The following HR variants were observed in gnomAD, a reference collection of about 807,000 sequenced individuals.
The protein encoded by HR is HR lysine demethylase and nuclear receptor corepressor, also known as lysine-specific demethylase hairless.
In HR, 83 loss-of-function variants were observed where a neutral mutation model predicts 128.6. The ratio of observed to expected loss-of-function variants is 0.65; its 90% confidence interval spans 0.54 to 0.77. The LOEUF (loss-of-function observed/expected upper bound fraction) is 0.77, where lower values mean the gene tolerates loss of function less well. HR is among the 30% of genes least tolerant of loss of function. The pLI, the probability that HR is intolerant of heterozygous loss-of-function variation, is 0.00. For missense variants in HR, 1,490 were observed against 1,574.6 expected, an observed-to-expected ratio of 0.95 and a Z score of 0.91; for synonymous variants, 681 against 658.2, an observed-to-expected ratio of 1.03 and a Z score of -0.53.
rs752059018 is a variant in HR, at chr8:22,121,169, A to T, written c.2263T>A (p.Cys755Ser). The T allele has an allele frequency of 4.3e-6, 7 of 1,613,946 alleles. No individual in the cohort carries two copies. Among genetic ancestry groups the T allele is most frequent in the Non-Finnish European group, 3.4e-6 (4 of 1,180,028 alleles). ...GCCAGCAGTTCGCAGAGAGAAGGAC[A>T]AGGCAGGGGCCCTCGGCCAGCACGG... Reference protein sequence around the residue: ...EDRAGRGPLPCPSLCELLAST... With the variant: ...EDRAGRGPLPSPSLCELLAST... The change falls in exon 10 of 19, where the codon TGT (cysteine) becomes AGT (serine). Residue 755 changes from cysteine to serine, a missense_variant. Coordinates refer to ENST00000381418, the MANE Select transcript of HR (RefSeq NM_005144.5).
At chr8:22,118,900 C>T (rs767219121) in intron 16 of HR, 50 bp downstream of exon 16, 100 of 1,519,732 alleles carry the variant, frequency 6.6e-5, no homozygotes, top group South Asian at 3.9e-4. Flanking sequence ...ACTGGACGAG[C>T]TTCTAGGGCT....
In HR at chr8:22,116,283, G is replaced by A; in HGVS notation, c.3507+17C>T. 6.2e-7 allele frequency: 1 copy of A among 1,611,708 alleles called. No individual in the cohort carries two copies. The highest frequency in any genetic ancestry group is 8.5e-7 in the Non-Finnish European group (1 of 1,179,734). Reference sequence around the variant, plus strand: ...CTTGGGTAGCACACCCAGCCTGCTGGCCCACATCCCACTCACCTGGGCATA... The same window carrying A: ...CTTGGGTAGCACACCCAGCCTGCTGACCCACATCCCACTCACCTGGGCATA... On this transcript the variant is annotated intron_variant, in intron 18 of 18. Coordinates refer to ENST00000381418, the MANE Select transcript of HR (RefSeq NM_005144.5). The surrounding 1 kb of genome is among the most constrained non-coding windows in gnomAD (Gnocchi z 4.2).
chr8:22,122,754 A>T, intron 7 of HR, 36 bp downstream of exon 7: 1 of 1,541,104 alleles, frequency 6.5e-7, no homozygotes, highest in Non-Finnish European at 8.8e-7. Context: ...CTCAGGACCC[A>T]ACCTCTGCAC....
In HR at chr8:22,118,717, C is replaced by A. The variant is rs569425936; in HGVS notation, c.3213+233G>T. 2.1e-5 allele frequency: 12 copies of A among 582,632 alleles called. No homozygotes were observed. The East Asian group carries it at 2.6e-4, about 12-fold the overall frequency. The allele number at this position is 582,632 out of a possible 1,614,324, so 36.1% of individuals were successfully genotyped here. ...CCTCGGGCAGCTGGTGCTCTCATTT[C>A]ATCATCGGGTCCAGGCTCTCCTGCC... is the stretch of plus-strand genomic sequence containing the variant. On this transcript the variant is annotated intron_variant, in intron 16 of 18. Transcript: ENST00000381418.
In HR at chr8:22,127,741, C is replaced by G. The variant is rs779568109; in HGVS notation, c.701G>C (p.Gly234Ala). ...CTCCCCGGCTCTCTGCAGGTGCCCA[C>G]CAGAGTTTAAGCCAAACAACCCAGG... The part of the protein sequence containing the change: ...AEPGLFGLNS[G>A]GHLQRAGEAE... The change falls in exon 3 of 19, where the codon GGT (glycine) becomes GCT (alanine). Residue 234 changes from glycine to alanine, a missense_variant. Physicochemically the swap from Gly to Ala is moderately conservative, Grantham distance 60. Transcript: ENST00000381418. The G allele has an allele frequency of 3.1e-6, 5 of 1,604,102 alleles. No individual in the cohort carries two copies. The African/African-American group carries it at 6.7e-5, about 21-fold the overall frequency.
Position 22,116,327 on chromosome 8 carries a change from G to A in HR, c.3480C>T (p.Pro1160=). The A allele has an allele frequency of 6.2e-7, 1 of 1,612,590 alleles. No homozygotes were observed. Among genetic ancestry groups the A allele is most frequent in the Non-Finnish European group, 8.5e-7 (1 of 1,179,900 alleles). Residue 1160 remains proline (P), a synonymous_variant, in exon 18 of 19, where the codon CCC becomes CCT. Coordinates refer to ENST00000381418, the MANE Select transcript of HR (RefSeq NM_005144.5). This position sits in a 1 kb window ranked among gnomAD's most constrained non-coding sequence, Gnocchi z 4.2. ...AQLCHQGPSL[P]PDCHLLYAQM... The stretch of plus-strand genomic sequence containing the variant: ...GGGCATAAAGCAGGTGGCAGTCAGG[G>A]GGAAGGCTGGGTCCCTGGTGGCAGA...
chr8:22,129,135 T>A lies in HR; in HGVS notation c.36A>T (p.Pro12=), dbSNP rs2131769935. The change falls in exon 2 of 19, where the codon CCA becomes CCT. Residue 12 remains proline (P), a synonymous_variant. Transcript: ENST00000381418. ...TCTCTGGGGCCGTCTTCTCCCAGGT[T>A]GGGGTGCCCTTCAGGAAGCTGGGCG... ...ESTPSFLKGT[P]TWEKTAPENG... 1 of 1,553,428 alleles carries A rather than the reference T, an allele frequency of 6.4e-7. No homozygotes were observed. The highest frequency in any genetic ancestry group is 2.2e-5 in the East Asian group (1 of 44,538).
intron 9 of HR, 33 bp downstream of exon 9, chr8:22,121,580 T>C (rs781009421): frequency 3.1e-6 from 5 of 1,610,850 alleles, no homozygotes; most frequent in Admixed American, 1.7e-5. Context: ...GCCTCCCTCT[T>C]GCACAGGCCG....
At chr8:22,128,209 G>A (rs1826952100) in intron 2 of HR, 2 of 513,220 alleles carry the variant, frequency 3.9e-6, no homozygotes, top group East Asian at 3.6e-5. Context: ...GGGCCATGGG[G>A]TCCCCTGCAC....
At position 22,123,705 on chromosome 8, in the gene HR, C is replaced by T. The variant is rs117197822; in HGVS notation, c.1859G>A (p.Arg620Gln). The T allele has an allele frequency of 0.03, 46,280 of 1,568,566 alleles. 855 individuals are homozygous for T. Among genetic ancestry groups the T allele is most frequent in the South Asian group, 0.059 (5,122 of 86,446 alleles). Residue 620 changes from arginine to glutamine, a missense_variant, in exon 6 of 19, where the codon CGG becomes CAG. This residue lies in a region of HR where 1,060 missense variants were observed against 1,060.9 expected (regional missense o/e 1.00). Transcript: ENST00000381418. ...THWRCPRCSH[R>Q]LCVACGRVAG... ...CACACGACCACAGGCCACACACAGCCGGTGGCTGCAGCGGGGACATCGCCA... is the reference window on the plus strand; with the variant it reads ...CACACGACCACAGGCCACACACAGCTGGTGGCTGCAGCGGGGACATCGCCA...
In HR at chr8:22,115,189, C is replaced by G. The variant is rs1168982983; in HGVS notation, c.*511G>C. 5.2e-6 allele frequency: 1 copy of G among 190,640 alleles called. No homozygotes were observed. The highest frequency in any genetic ancestry group is 1.1e-5 in the Non-Finnish European group (1 of 91,908). The allele number at this position is 190,640 out of a possible 1,614,324, so 11.8% of individuals were successfully genotyped here. A position where few individuals can be genotyped will look rare whatever the true frequency, so the allele number is the denominator to read the frequency against. The stretch of plus-strand genomic sequence containing the variant: ...AGCCTGAGCAGCTCCTGATGCCACC[C>G]TCTCCTCACACTCCCCAGATCTTTT... On this transcript the variant is annotated 3_prime_UTR_variant, in exon 19 of 19. Transcript: ENST00000381418.
At chr8:22,126,969 C>T (rs1044049794) in intron 3 of HR, 68 bp downstream of exon 3, 2 of 1,491,268 alleles carry the variant, frequency 1.3e-6, no homozygotes, top group Non-Finnish European at 9.1e-7. Context: ...AGACCCCGCC[C>T]CATGCGAAGC....
In HR at chr8:22,129,049, A is replaced by G. The variant is rs1398773735; in HGVS notation, c.122T>C (p.Leu41Pro). 6.2e-7 allele frequency: 1 copy of G among 1,601,020 alleles called. No individual in the cohort carries two copies. The highest frequency in any genetic ancestry group is 8.5e-7 in the Non-Finnish European group (1 of 1,173,214). The stretch of plus-strand genomic sequence containing the variant: ...AAAGGGAGCAGGCTCTCCCAGGCAC[A>G]GCGGCCCATGGTGCAGTCCATCTCG... ...PPRDGLHHGP[L>P]CLGEPAPFWR... is the part of the protein sequence containing the mutation. Residue 41 changes from leucine (L) to proline (P), a missense_variant, in exon 2 of 19, where the codon CTG becomes CCG. By Grantham distance (98) the Leu-to-Pro change is moderately conservative (BLOSUM62 -3). Around this residue, in one of 3 missense-constraint regions of HR, gnomAD observed 1,060 missense variants for 1,060.9 expected, o/e 1.00. Coordinates refer to ENST00000381418, the MANE Select transcript of HR (RefSeq NM_005144.5).
In HR at chr8:22,115,853, A is replaced by C. The variant is rs924252161; in HGVS notation, c.3508-91T>G. ...CCTACTTAAAAGGAATACTCTGGCC[A>C]GATGCGGTGGCTCACACCTGTAATC... On this transcript the variant is annotated intron_variant, in intron 18 of 18. Coordinates refer to ENST00000381418, the MANE Select transcript of HR (RefSeq NM_005144.5). 3.9e-6 allele frequency: 5 copies of C among 1,286,994 alleles called. No homozygotes were observed. In the African/African-American group the frequency reaches 5.9e-5, roughly 15 times the overall value. 79.7% of individuals were successfully genotyped at this position (1,286,994 alleles called of 1,614,324 possible).
At chr8:22,128,242 C>A in intron 2 of HR, 1 of 531,830 alleles carries the variant, frequency 1.9e-6, no homozygotes, top group Non-Finnish European at 3.4e-6. Flanking sequence ...GATAGAGGGC[C>A]CTTGTCTGCC....
chr8:22,116,931 T>G lies in HR; in HGVS notation c.3322A>C (p.Thr1108Pro). Residue 1108 changes from threonine (T) to proline (P), a missense_variant, in exon 17 of 19, where the codon ACC becomes CCC. By Grantham distance (38) the Thr-to-Pro change is conservative (BLOSUM62 -1). Coordinates refer to ENST00000381418, the MANE Select transcript of HR (RefSeq NM_005144.5). This position sits in a 1 kb window ranked among gnomAD's most constrained non-coding sequence, Gnocchi z 4.2. Reference sequence around the variant, plus strand: ...GCCTCTCCGGGGGCCTGGAGCAGGGTCCAGCAGCTCACGCCCCACTCCTCC... The same window carrying G: ...GCCTCTCCGGGGGCCTGGAGCAGGGGCCAGCAGCTCACGCCCCACTCCTCC... ...LREEWGVSCW[T>P]LLQAPGEAVL... is the part of the protein sequence containing the mutation. The G allele has an allele frequency of 6.4e-7, 1 of 1,550,594 alleles. No homozygotes were observed.
intron 6 of HR, among the ~76,000 whole-genome samples, chr8:22,123,083 C>T (rs1826796792): frequency 6.6e-6 from 1 of 152,186 alleles, no homozygotes; most frequent in Admixed American, 6.5e-5. Context: ...AGAGGCTTTG[C>T]AGGTCCTTAG....
At chr8:22,120,549 G>C (rs1337169313) in intron 11 of HR, 42 bp from the exon 12 acceptor site, 1 of 1,611,082 alleles carries the variant, frequency 6.2e-7, no homozygotes, top group East Asian at 2.2e-5. Context: ...GAATGGCCAG[G>C]GTGCCCGCCA....
intron 6 of HR, 136 bp downstream of exon 6, chr8:22,123,513 G>A: frequency 1.2e-6 from 1 of 825,712 alleles, no homozygotes; most frequent in Non-Finnish European, 1.9e-6. Context: ...AGGGCATTGA[G>A]CCATGGTGGC....
Sources: allele counts gnomAD v4.1 joint callset (sites outside exome capture counted in the v4.1 genomes callset), GRCh38; gene constraint gnomAD v4.1.1; regional missense constraint gnomAD v4.1.1; non-coding constraint Gnocchi (gnomAD v3.1); transcripts MANE v1.5; gene names NCBI Gene and HGNC (gene_info 2026-07-23, HGNC 2026-07-21).